The following JAK1 variants were observed in gnomAD, a reference collection of about 807,000 sequenced individuals.
JAK1 encodes the protein Janus kinase 1.
In JAK1, 16 loss-of-function variants were observed where a neutral mutation model predicts 136.6. The observed-to-expected ratio is 0.12, with a 90% CI of 0.08 to 0.18. JAK1 has a LOEUF of 0.18. Ranked by LOEUF, JAK1 falls within the 10% of genes least tolerant of loss-of-function variation. The pLI is 1.00. For synonymous variants in JAK1, 492 were observed against 519.5 expected (o/e 0.95, Z 0.72); for missense variants, 859 against 1,450.1 (o/e 0.59, Z 6.62).
chr1:64,957,861 G>A (rs923463960), intron 1 of JAK1, among the ~76,000 whole-genome samples: 4 of 152,158 alleles, frequency 2.6e-5, no homozygotes, highest in Non-Finnish European at 5.9e-5. Flanking sequence ...GGAGAATGGC[G>A]TGAACCCGGG....
At chr1:64,972,141 A>C (rs1295739302) in intron 2 of JAK1, 1 of 152,236 alleles carries the variant, frequency 6.6e-6, no homozygotes, top group East Asian at 1.9e-4. Flanking sequence ...CAAAGAACAA[A>C]AACAGATAAT....
chr1:65,022,842 CAG>C (rs1168576215), intron 2 of JAK1: 8 of 152,192 alleles, frequency 5.3e-5, no homozygotes, highest in African/African-American at 1.2e-4. Context: ...AGAAACTAAT[CAG>C]GGGAAATTCA....
chr1:64,965,885 C>G (rs1181034361), intron 1 of JAK1, among the ~76,000 whole-genome samples: 1 of 152,078 alleles, frequency 6.6e-6, no homozygotes, highest in Non-Finnish European at 1.5e-5. Context: ...TTCCTGGGGC[C>G]GAAGAAGAAA....
In JAK1 at chr1:64,873,495, T is replaced by C. The variant is rs1557653616; in HGVS notation, c.358A>G (p.Asn120Asp). Reference protein sequence around the residue: ...RFYFTNWHGTNDNEQSVWRHS... With the variant: ...RFYFTNWHGTDDNEQSVWRHS... ...CGCCACACTGACTGCTCATTGTCGT[T>C]GGTTCCATGCCAATTGGTGAAATAG... The change falls in exon 5 of 25, where the codon AAC becomes GAC. Residue 120 changes from asparagine (N) to aspartate (D), a missense_variant. By Grantham distance (23) the Asn-to-Asp change is conservative. Coordinates refer to ENST00000342505, the MANE Select transcript of JAK1 (RefSeq NM_002227.4). The C allele has an allele frequency of 1.2e-6, 2 of 1,614,224 alleles. No homozygotes were observed. The highest frequency in any genetic ancestry group is 8.5e-7 in the Non-Finnish European group (1 of 1,180,020).
rs1159614536 is a variant in JAK1, at chr1:64,846,445, CAAAT to C, written c.1987+200_1987+203del. On this transcript the variant is annotated intron_variant, in intron 14 of 24. Coordinates refer to ENST00000342505, the MANE Select transcript of JAK1 (RefSeq NM_002227.4). ...CCAGCGTTGACAAGAAAACATTACA[CAAAT>C]GAATGAAAAGCAATTGGTTTTAGTT... 8.5e-5 allele frequency among the ~76,000 whole-genome samples: 13 copies of C among 152,104 alleles called. No homozygotes were observed. The East Asian group carries it at 1.5e-3, about 18-fold the overall frequency.
intron 2 of JAK1, among the ~76,000 whole-genome samples, chr1:65,032,318 A>G (rs1647030919): frequency 6.6e-6 from 1 of 152,174 alleles, no homozygotes; most frequent in African/African-American, 2.4e-5. Context: ...TAAGAAACTC[A>G]GGAGAGTTCC....
intron 12 of JAK1, among the ~76,000 whole-genome samples, chr1:64,850,016 T>C (rs1372054493): frequency 6.6e-6 from 1 of 152,044 alleles, no homozygotes; most frequent in Non-Finnish European, 1.5e-5. Context: ...AGTGCCACTC[T>C]CCCCAGGCTC....
At chr1:64,916,870 G>T (rs1242954571) in intron 1 of JAK1, among the ~76,000 whole-genome samples, 7 of 151,394 alleles carry the variant, frequency 4.6e-5, no homozygotes, top group African/African-American at 1.5e-4. Context: ...TAGGAAATAG[G>T]TTAGAAAAGA....
chr1:64,931,085 C>T (rs972736690), intron 1 of JAK1, among the ~76,000 whole-genome samples: 4 of 152,020 alleles, frequency 2.6e-5, no homozygotes, highest in East Asian at 1.9e-4. Context: ...CACCATGGCA[C>T]GTGTATACCT....
chr1:65,052,235 T>A (rs2100861934), intron 1 of JAK1, among the ~76,000 whole-genome samples: 1 of 148,702 alleles, frequency 6.7e-6, no homozygotes, highest in African/African-American at 2.5e-5. Context: ...CACACCCAGC[T>A]CAGGCACACA....
At chr1:65,017,960 C>T (rs1646904100) in intron 2 of JAK1, among the ~76,000 whole-genome samples, 1 of 151,964 alleles carries the variant, frequency 6.6e-6, no homozygotes, top group Non-Finnish European at 1.5e-5. Flanking sequence ...CAGGTGTCTG[C>T]CACCAGGCCC....
intron 1 of JAK1, among the ~76,000 whole-genome samples, chr1:64,963,894 T>C (rs1358779241): frequency 6.6e-6 from 1 of 152,014 alleles, no homozygotes; most frequent in Non-Finnish European, 1.5e-5. Context: ...TTTAGTAGCA[T>C]CCCTAGCCTC....
At chr1:64,860,336 T>C in intron 8 of JAK1, 74 bp from the exon 9 acceptor site, 1 of 1,277,368 alleles carries the variant, frequency 7.8e-7, no homozygotes, top group Non-Finnish European at 1.1e-6. Flanking sequence ...TGTAGGGAGG[T>C]GCACAGTGAG....
chr1:64,982,006 C>A (rs1170107884), intron 2 of JAK1, among the ~76,000 whole-genome samples: 1 of 152,134 alleles, frequency 6.6e-6, no homozygotes, highest in Admixed American at 6.5e-5. Context: ...GAACAAGTGG[C>A]TTCACCTTTC....
intron 1 of JAK1, among the ~76,000 whole-genome samples, chr1:64,922,970 C>T (rs1056998479): frequency 1.2e-4 from 18 of 152,078 alleles, no homozygotes; most frequent in African/African-American, 3.4e-4. Flanking sequence ...GGAAATCATA[C>T]GTTAGGTACT....
At chr1:65,052,304 T>A (rs185494850) in intron 1 of JAK1, among the ~76,000 whole-genome samples, 1 of 152,004 alleles carries the variant, frequency 6.6e-6, no homozygotes, top group African/African-American at 2.4e-5. Context: ...GTCTTAAATA[T>A]GAAAGAAAAA....
chr1:64,901,556 G>C (rs1267278260), intron 1 of JAK1, among the ~76,000 whole-genome samples: 1 of 152,118 alleles, frequency 6.6e-6, no homozygotes, highest in African/African-American at 2.4e-5. Flanking sequence ...AAACCAACCA[G>C]ATGTTGGTTT....
chr1:64,887,826 T>C (rs1644874988), intron 1 of JAK1, among the ~76,000 whole-genome samples: 1 of 152,162 alleles, frequency 6.6e-6, no homozygotes, highest in African/African-American at 2.4e-5. Flanking sequence ...AAAGGTCCTA[T>C]AGCAGAAAGG....
At chr1:64,853,702 A>C (rs1027260577) in intron 11 of JAK1, among the ~76,000 whole-genome samples, 1 of 151,652 alleles carries the variant, frequency 6.6e-6, no homozygotes, top group African/African-American at 2.4e-5. Context: ...GTGTAGATGA[A>C]ATAAATGAGG....
Sources: gnomAD v4.1 joint callset for allele counts (sites outside exome capture counted in the v4.1 genomes callset) on GRCh38, gnomAD v4.1.1 for gene constraint, MANE v1.5 for transcripts, NCBI Gene and HGNC (gene_info 2026-07-23, HGNC 2026-07-21) for gene names.